SUGCT: variants seen among roughly 807,000 people sequenced by gnomAD.
SUGCT encodes succinyl-CoA:glutarate CoA-transferase.
SUGCT carries 41 observed loss-of-function variants against 55.0 expected under a neutral mutation model. That is an observed-to-expected ratio of 0.74 (90% CI 0.58 to 0.97). SUGCT has a LOEUF of 0.97. Among genes scored for constraint, SUGCT ranks in the 50% least tolerant of loss-of-function variants. The pLI is 0.00. For synonymous variants in SUGCT, 187 were observed against 200.4 expected, an observed-to-expected ratio of 0.93 and a Z score of 0.56; for missense variants, 568 against 547.8, an observed-to-expected ratio of 1.04 and a Z score of -0.37.
At chr7:40,486,573 T>TA (rs1411661550) in intron 11 of SUGCT, among the ~76,000 whole-genome samples, 2 of 152,114 alleles carry the variant, frequency 1.3e-5, no homozygotes, top group Non-Finnish European at 2.9e-5. Flanking sequence ...TGTTTATTGT[T>TA]AATCTTTTTA....
chr7:40,317,819 A>G (rs765294446), intron 9 of SUGCT, among the ~76,000 whole-genome samples: 3 of 152,168 alleles, frequency 2.0e-5, no homozygotes, highest in Non-Finnish European at 2.9e-5. Context: ...CACTGACCCA[A>G]TATGAACCTG....
chr7:41,008,031 T>C, the SUGCT span, among the ~76,000 whole-genome samples: 2 of 152,198 alleles, frequency 1.3e-5, no homozygotes, highest in Admixed American at 6.5e-5. Context: ...AAGCTAGAGC[T>C]GTGACTCTGG....
chr7:40,205,919 T>C (rs1449222466), intron 6 of SUGCT, among the ~76,000 whole-genome samples: 1 of 152,178 alleles, frequency 6.6e-6, no homozygotes, highest in Non-Finnish European at 1.5e-5. Context: ...AGTATAAATT[T>C]AGTATAGATC....
the SUGCT span, among the ~76,000 whole-genome samples, chr7:40,932,949 T>TTATGTGTGAATTTG: frequency 2.6e-5 from 4 of 152,176 alleles, no homozygotes; most frequent in Non-Finnish European, 5.9e-5. Context: ...GTTAATATTG[T>TTATGTGTGAATTTG]TATGTGTGAA....
At chr7:40,367,977 G>A (rs770669947) in intron 9 of SUGCT, among the ~76,000 whole-genome samples, 2 of 152,026 alleles carry the variant, frequency 1.3e-5, no homozygotes, top group Non-Finnish European at 2.9e-5. Flanking sequence ...TTTCCTAGAT[G>A]AGTCACTCCT....
intron 13 of SUGCT, among the ~76,000 whole-genome samples, chr7:40,818,762 T>G (rs1325636460): frequency 6.6e-6 from 1 of 152,124 alleles, no homozygotes; most frequent in Non-Finnish European, 1.5e-5. Context: ...GGTAACATTA[T>G]CTTTTTTTAA....
chr7:40,520,220 T>C (rs1235189284), intron 12 of SUGCT, among the ~76,000 whole-genome samples: 1 of 152,106 alleles, frequency 6.6e-6, no homozygotes, highest in Non-Finnish European at 1.5e-5. Context: ...ACACATGGTA[T>C]CCTTACAATA....
At chr7:40,261,578 A>G (rs1478678714) in intron 7 of SUGCT, among the ~76,000 whole-genome samples, 1 of 152,248 alleles carries the variant, frequency 6.6e-6, no homozygotes, top group Non-Finnish European at 1.5e-5. Context: ...CTGGCGTGTA[A>G]TAAACACTCA....
intron 9 of SUGCT, among the ~76,000 whole-genome samples, chr7:40,341,546 A>G (rs772281953): frequency 4.3e-4 from 66 of 152,244 alleles, no homozygotes; most frequent in Non-Finnish European, 7.5e-4. Context: ...CAGGCACACA[A>G]TGAAGTTTCT....
chr7:40,935,506 A>T, the SUGCT span, among the ~76,000 whole-genome samples: 1 of 152,296 alleles, frequency 6.6e-6, no homozygotes, highest in African/African-American at 2.4e-5. Flanking sequence ...ATTATACAAT[A>T]CATGGCCTTT....
intron 7 of SUGCT, among the ~76,000 whole-genome samples, chr7:40,262,632 T>C (rs561765678): frequency 1.3e-5 from 2 of 151,660 alleles, no homozygotes; most frequent in African/African-American, 4.8e-5. Flanking sequence ...ACCACTGCAC[T>C]CCAGCCTGGG....
chr7:40,577,934 A>G (rs1796857318), intron 12 of SUGCT, among the ~76,000 whole-genome samples: 1 of 152,190 alleles, frequency 6.6e-6, no homozygotes, highest in Non-Finnish European at 1.5e-5. Flanking sequence ...CAAGACTTTA[A>G]TATTCATCCT....
At chr7:40,559,985 T>A (rs1795750815) in intron 12 of SUGCT, among the ~76,000 whole-genome samples, 1 of 152,240 alleles carries the variant, frequency 6.6e-6, no homozygotes, top group Non-Finnish European at 1.5e-5. Flanking sequence ...TAACCTTTTC[T>A]ATTTTGGATT....
chr7:40,517,089 A>T (rs1184649260), intron 12 of SUGCT, among the ~76,000 whole-genome samples: 3 of 151,896 alleles, frequency 2.0e-5, no homozygotes, highest in Non-Finnish European at 2.9e-5. Context: ...TTTTGATACT[A>T]TTGTAAATGA....
At chr7:41,000,159 T>A in the SUGCT span, among the ~76,000 whole-genome samples, 33 of 152,270 alleles carry the variant, frequency 2.2e-4, no homozygotes, top group Non-Finnish European at 1.5e-5. Flanking sequence ...TTATTAAGCA[T>A]CATTATGTTT....
At chr7:40,735,548 T>G (rs544217542) in intron 12 of SUGCT, among the ~76,000 whole-genome samples, 1 of 152,162 alleles carries the variant, frequency 6.6e-6, no homozygotes, top group Non-Finnish European at 1.5e-5. Flanking sequence ...GCTAATACTC[T>G]TTAGCTTAGA....
At chr7:40,629,196 T>C (rs1459638731) in intron 12 of SUGCT, among the ~76,000 whole-genome samples, 1 of 152,182 alleles carries the variant, frequency 6.6e-6, no homozygotes, top group Non-Finnish European at 1.5e-5. Flanking sequence ...CAGCCGACAC[T>C]TACTAAGCAT....
chr7:40,519,733 TACAA>T (rs989677668), intron 12 of SUGCT, among the ~76,000 whole-genome samples: 34 of 152,142 alleles, frequency 2.2e-4, no homozygotes, highest in African/African-American at 6.5e-4. Context: ...AGCTCACAAT[TACAA>T]ACAAAGAAAT....
At chr7:40,472,936 G>A (rs972115910) in intron 11 of SUGCT, among the ~76,000 whole-genome samples, 5 of 152,092 alleles carry the variant, frequency 3.3e-5, no homozygotes, top group Non-Finnish European at 1.5e-5. Flanking sequence ...TTATAATAAT[G>A]TGTTATACAA....
Sources: gnomAD v4.1 joint callset for allele counts (sites outside exome capture counted in the v4.1 genomes callset) on GRCh38, gnomAD v4.1.1 for gene constraint, MANE v1.5 for transcripts, NCBI Gene and HGNC (gene_info 2026-07-23, HGNC 2026-07-21) for gene names.